The following TCFL5 variants were observed in gnomAD, a reference collection of about 807,000 sequenced individuals.
TCFL5 encodes the protein transcription factor like 5, also known as transcription factor-like 5 protein.
In TCFL5, 9 loss-of-function variants were observed where a neutral mutation model predicts 44.3. That is an observed-to-expected ratio of 0.20 (90% confidence interval 0.12 to 0.35). TCFL5 has a LOEUF of 0.35. TCFL5 is among the 10% of genes least tolerant of loss of function. The pLI is 1.00. For missense variants in TCFL5, 603 were observed against 613.4 expected (o/e 0.98, Z 0.18); for synonymous variants, 319 against 271.6 (o/e 1.17, Z -1.72).
intron 5 of TCFL5, among the ~76,000 whole-genome samples, chr20:62,843,074 G>A (rs1426243429): frequency 6.6e-6 from 1 of 152,252 alleles, no homozygotes; most frequent in Non-Finnish European, 1.5e-5. Flanking sequence ...CCCGATGACA[G>A]GCGCCAACCA....
chr20:62,852,074 G>A, intron 5 of TCFL5: 1 of 985,356 alleles, frequency 1.0e-6, no homozygotes, highest in South Asian at 4.7e-5. Flanking sequence ...CCAAGTGCTG[G>A]GATCACAGGC....
At position 62,859,520 on chromosome 20, in the gene TCFL5, T is replaced by C. The variant is rs766230133; in HGVS notation, c.838A>G (p.Ser280Gly). The change falls in exon 3 of 6, where the codon AGT becomes GGT. Residue 280 changes from serine to glycine, a missense_variant. By Grantham distance (56) the Ser-to-Gly change is moderately conservative (BLOSUM62 0). Transcript: ENST00000335351. ...GCTTCAAGTACAGAACATGAGTTAC[T>C]AGAACTCTGGAAAAAAATGAAGCAA... ...NSNLSQTQSS[S>G]NSCSVLEAAK... 1.1e-5 allele frequency: 18 copies of C among 1,605,674 alleles called. No individual in the cohort carries two copies. The highest frequency in any genetic ancestry group is 1.3e-5 in the African/African-American group (1 of 74,320).
chr20:62,854,120 A>C lies in TCFL5; in HGVS notation c.1276T>G (p.Leu426Val), dbSNP rs142133504. 3.1e-6 allele frequency: 5 copies of C among 1,614,038 alleles called. No homozygotes were observed. In the African/African-American group the frequency reaches 6.7e-5, roughly 22 times the overall value. Residue 426 changes from leucine to valine, a missense_variant, in exon 5 of 6, where the codon TTA (leucine) becomes GTA (valine). Physicochemically the swap from Leu to Val is conservative, Grantham distance 32. Coordinates refer to ENST00000335351, the MANE Select transcript of TCFL5 (RefSeq NM_006602.4). ...GTCTCGGCATTGCAGAACGGCACTA[A>C]GAGATTCAACTCATCACAGCAAATG... ...IRICCDELNL[L>V]VPFCNAETDK... is the part of the protein sequence containing the mutation.
chr20:62,844,275 T>C (rs2063711528), intron 5 of TCFL5, among the ~76,000 whole-genome samples: 1 of 152,224 alleles, frequency 6.6e-6, no homozygotes, highest in Non-Finnish European at 1.5e-5. Context: ...CATCCTAGTA[T>C]GTGTAAAAGT....
At chr20:62,851,252 T>A (rs1214655208) in intron 5 of TCFL5, among the ~76,000 whole-genome samples, 1 of 152,198 alleles carries the variant, frequency 6.6e-6, no homozygotes, top group Non-Finnish European at 1.5e-5. Flanking sequence ...GCCTGTTTCT[T>A]GGTGGGTCTA....
chr20:62,861,563 C>T lies in TCFL5; in HGVS notation c.108G>A (p.Gly36=). The T allele has an allele frequency of 2.7e-6, 3 of 1,119,558 alleles. No individual in the cohort carries two copies. Among genetic ancestry groups the T allele is most frequent in the Non-Finnish European group, 3.3e-6 (3 of 906,580 alleles). The allele number at this position is 1,119,558 out of a possible 1,614,324, so 69.4% of individuals were successfully genotyped here. A position where few individuals can be genotyped will look rare whatever the true frequency, so the allele number is the denominator to read the frequency against. The part of the protein sequence containing the change: ...GGGDAALGEP[G]LSFTTTDLSL... ...TCAGGTCGGTGGTCGTGAAGCTCAG[C>T]CCCGGCTCGCCCAGCGCCGCGTCCC... The change falls in exon 1 of 6, where the codon GGG becomes GGA. Residue 36 remains glycine, a synonymous_variant. Transcript: ENST00000335351. The surrounding 1 kb of genome is among the most constrained non-coding windows in gnomAD (Gnocchi z 4.0).
chr20:62,861,559 T>C lies in TCFL5; in HGVS notation c.112A>G (p.Ser38Gly), dbSNP rs753808880. Reference sequence around the variant, plus strand: ...AGGCTCAGGTCGGTGGTCGTGAAGCTCAGCCCCGGCTCGCCCAGCGCCGCG... The same window carrying C: ...AGGCTCAGGTCGGTGGTCGTGAAGCCCAGCCCCGGCTCGCCCAGCGCCGCG... ...GDAALGEPGL[S>G]FTTTDLSLVE... The change falls in exon 1 of 6, where the codon AGC becomes GGC. Residue 38 changes from serine (S) to glycine (G), a missense_variant. Ser to Gly is a moderately conservative substitution (Grantham distance 56, BLOSUM62 0). This residue lies in a region of TCFL5 where 540 missense variants were observed against 478.7 expected (regional missense o/e 1.13). Coordinates refer to ENST00000335351, the MANE Select transcript of TCFL5 (RefSeq NM_006602.4). The surrounding 1 kb of genome is among the most constrained non-coding windows in gnomAD (Gnocchi z 4.0). 4 of 1,131,180 alleles carry C rather than the reference T, an allele frequency of 3.5e-6. No individual in the cohort carries two copies. The highest frequency in any genetic ancestry group is 4.4e-6 in the Non-Finnish European group (4 of 912,424). The allele number at this position is 1,131,180 out of a possible 1,614,324, so 70.1% of individuals were successfully genotyped here.
Position 62,861,805 on chromosome 20 carries a change from G to A in TCFL5, c.-135C>T, listed in dbSNP as rs1456279750. On this transcript the variant is annotated 5_prime_UTR_variant, in exon 1 of 6. Transcript: ENST00000335351. This position sits in a 1 kb window ranked among gnomAD's most constrained non-coding sequence, Gnocchi z 4.0. The stretch of plus-strand genomic sequence containing the variant: ...GGCCACAGCCGGCGCGCCGTTGGGG[G>A]AGGGAAAACCGCTGAGTGCCGCGCA... 2 of 148,204 alleles carry A rather than the reference G, an allele frequency of 1.3e-5. No individual in the cohort carries two copies. The highest frequency in any genetic ancestry group is 4.9e-5 in the African/African-American group (2 of 40,948). The allele number at this position is 148,204 out of a possible 1,614,324, so 9.2% of individuals were successfully genotyped here.
At chr20:62,853,850 T>C (rs1470961851) in intron 5 of TCFL5, among the ~76,000 whole-genome samples, 166 bp downstream of exon 5, 1 of 152,224 alleles carries the variant, frequency 6.6e-6, no homozygotes, top group African/African-American at 2.4e-5. Context: ...CTTTAATAAA[T>C]GACAAGTTAT....
At chr20:62,856,252 C>CAAAAAAAA (rs11473595) in intron 4 of TCFL5, among the ~76,000 whole-genome samples, 7 of 63,784 alleles carry the variant, frequency 1.1e-4, no homozygotes, top group African/African-American at 1.2e-4. Context: ...GACTCCGTCT[C>CAAAAAAAA]AAAAAAAAAA....
At chr20:62,844,551 TTTTTTTTCTG>T (rs2063715351) in intron 5 of TCFL5, among the ~76,000 whole-genome samples, 1 of 147,724 alleles carries the variant, frequency 6.8e-6, no homozygotes, top group Admixed American at 6.7e-5. Context: ...GCTTTCAACA[TTTTTTTTCTG>T]TTTTTTTTTG....
intron 1 of TCFL5, 85 bp downstream of exon 1, chr20:62,860,939 G>GT: frequency 1.1e-6 from 1 of 950,464 alleles, no homozygotes; most frequent in South Asian, 4.7e-5. Context: ...TGCACAGCGA[G>GT]GGCCCCCTTT....
intron 5 of TCFL5, chr20:62,851,735 G>A: frequency 1.0e-6 from 1 of 985,436 alleles, no homozygotes; most frequent in Non-Finnish European, 1.2e-6. Context: ...ACTATTGCCT[G>A]GCGCTGAAGA....
chr20:62,846,604 A>C (rs1600829543), intron 5 of TCFL5, among the ~76,000 whole-genome samples: 1 of 152,278 alleles, frequency 6.6e-6, no homozygotes, highest in Admixed American at 6.5e-5. Context: ...GAACATGAGA[A>C]GAATAACAAC....
chr20:62,857,593 A>G lies in TCFL5; in HGVS notation c.1040T>C (p.Met347Thr), dbSNP rs773269454. ...KQALKRNRSR[M>T]RQLDTNVERR... is the part of the protein sequence containing the mutation. ...CTCTACATTTGTGTCCAACTGACGC[A>G]TTCTACTCCGATTCCTCTTCAGTGC... The change falls in exon 4 of 6, where the codon ATG becomes ACG. Residue 347 changes from methionine (M) to threonine (T), a missense_variant. This residue lies in a region of TCFL5 where 540 missense variants were observed against 478.7 expected (regional missense o/e 1.13). Coordinates refer to ENST00000335351, the MANE Select transcript of TCFL5 (RefSeq NM_006602.4). 1.2e-6 allele frequency: 2 copies of G among 1,614,248 alleles called. No individual in the cohort carries two copies. Among genetic ancestry groups the G allele is most frequent in the Non-Finnish European group, 1.7e-6 (2 of 1,180,044 alleles).
intron 5 of TCFL5, chr20:62,846,258 G>A: frequency 1.9e-6 from 1 of 513,398 alleles, no homozygotes; most frequent in Non-Finnish European, 3.1e-6. Context: ...ACACAGTGAT[G>A]AGGCTAGTCC....
chr20:62,852,727 T>C, intron 5 of TCFL5: 1 of 984,608 alleles, frequency 1.0e-6, no homozygotes, highest in Non-Finnish European at 1.2e-6. Flanking sequence ...ATTCACCTGG[T>C]TGACAGAAGC....
Position 62,854,005 on chromosome 20 carries a change from C to CTTTT in TCFL5, c.1380+10_1380+11insAAAA. 1.2e-6 allele frequency: 2 copies of CTTTT among 1,612,552 alleles called. No homozygotes were observed. Among genetic ancestry groups the CTTTT allele is most frequent in the East Asian group, 4.5e-5 (2 of 44,860 alleles). On this transcript the variant is annotated intron_variant, in intron 5 of 5. Transcript: ENST00000335351. Reference sequence around the variant, plus strand: ...GTAAAATTCTGAAAATCTACCTGGCCTACCACTAACCTTTTTAAGAGAATC... The same window carrying CTTTT: ...GTAAAATTCTGAAAATCTACCTGGCCTTTTTACCACTAACCTTTTTAAGAGAATC...
chr20:62,849,461 T>TG (rs940339020), intron 5 of TCFL5, among the ~76,000 whole-genome samples: 12 of 152,110 alleles, frequency 7.9e-5, no homozygotes, highest in South Asian at 4.1e-4. Flanking sequence ...TTAATAACTG[T>TG]GGGGGGGATT....
Sources: gnomAD v4.1 joint callset for allele counts (sites outside exome capture counted in the v4.1 genomes callset) on GRCh38, gnomAD v4.1.1 for gene constraint, gnomAD v4.1.1 regional missense constraint, Gnocchi (gnomAD v3.1) non-coding constraint, MANE v1.5 for transcripts, NCBI Gene and HGNC (gene_info 2026-07-23, HGNC 2026-07-21) for gene names.